The following FAM83B variants were observed in gnomAD, a reference collection of about 807,000 sequenced individuals.
The protein encoded by FAM83B is scaffolding CK1 anchoring protein B.
In FAM83B, 26 loss-of-function variants were observed where a neutral mutation model predicts 38.8. The observed-to-expected ratio is 0.67, with a 90% CI of 0.49 to 0.93. The LOEUF (loss-of-function observed/expected upper bound fraction) is 0.93, where lower values mean the gene tolerates loss of function less well. Ranked by LOEUF, FAM83B falls within the 40% of genes least tolerant of loss-of-function variation. The pLI is 0.00. For missense variants in FAM83B, 1,237 were observed against 1,197.3 expected, an observed-to-expected ratio of 1.03 and a Z score of -0.49; for synonymous variants, 419 against 423.1, an observed-to-expected ratio of 0.99 and a Z score of 0.12.
At chr6:54,895,393 A>C (rs1464154800) in intron 2 of FAM83B, among the ~76,000 whole-genome samples, 1 of 152,172 alleles carries the variant, frequency 6.6e-6, no homozygotes. Context: ...GGACTTGTAC[A>C]TTTATTTTCA....
At chr6:54,855,938 A>G (rs1301972588) in intron 1 of FAM83B, among the ~76,000 whole-genome samples, 1 of 152,226 alleles carries the variant, frequency 6.6e-6, no homozygotes, top group Non-Finnish European at 1.5e-5. Context: ...TTGTATACAT[A>G]TGATAAATAT....
At chr6:54,878,010 A>G (rs1772039753) in intron 2 of FAM83B, among the ~76,000 whole-genome samples, 1 of 152,216 alleles carries the variant, frequency 6.6e-6, no homozygotes, top group African/African-American at 2.4e-5. Context: ...AAAGTTAATG[A>G]TAAGTAGATG....
chr6:54,865,998 A>C (rs895141730), intron 1 of FAM83B, among the ~76,000 whole-genome samples: 1 of 119,792 alleles, frequency 8.3e-6, no homozygotes, highest in African/African-American at 2.8e-5. Context: ...AATAATAATA[A>C]TAAGGTTGAA....
At chr6:54,870,770 T>C in intron 2 of FAM83B, 80 bp downstream of exon 2, 1 of 1,300,134 alleles carries the variant, frequency 7.7e-7, no homozygotes. Flanking sequence ...ATATGTATGT[T>C]AATAAAAGAA....
At chr6:54,858,352 G>A (rs780376170) in intron 1 of FAM83B, among the ~76,000 whole-genome samples, 1 of 152,134 alleles carries the variant, frequency 6.6e-6, no homozygotes, top group Non-Finnish European at 1.5e-5. Flanking sequence ...CCTACCTTTA[G>A]AGTAGAGTGA....
chr6:54,859,692 A>T (rs1339458781), intron 1 of FAM83B, among the ~76,000 whole-genome samples: 3 of 152,196 alleles, frequency 2.0e-5, no homozygotes, highest in African/African-American at 7.2e-5. Context: ...TGAGCTACTT[A>T]CTAAGCCCTA....
chr6:54,891,193 C>T (rs1415141429), intron 2 of FAM83B, among the ~76,000 whole-genome samples: 2 of 152,040 alleles, frequency 1.3e-5, no homozygotes, highest in Non-Finnish European at 2.9e-5. Context: ...ACTTTTTCCT[C>T]CCAGCCCTGC....
chr6:54,904,338 A>G (rs1260343544), intron 2 of FAM83B, among the ~76,000 whole-genome samples: 1 of 152,124 alleles, frequency 6.6e-6, no homozygotes, highest in African/African-American at 2.4e-5. Flanking sequence ...GATCTTCCAC[A>G]AGTTCTAAGG....
chr6:54,942,032 G>A lies in FAM83B; in HGVS notation c.*25G>A. 2 of 1,536,786 alleles carry A rather than the reference G, an allele frequency of 1.3e-6. No individual in the cohort carries two copies. Among genetic ancestry groups the A allele is most frequent in the Non-Finnish European group, 1.8e-6 (2 of 1,134,492 alleles). On this transcript the variant is annotated 3_prime_UTR_variant, in exon 5 of 5. Transcript: ENST00000306858. ...GCTATTAAAATGCAAAATGAATGAG[G>A]CTATCAATATTTGTCCAAAGAAAAT... is the stretch of plus-strand genomic sequence containing the variant.
At chr6:54,874,787 A>G (rs1326204946) in intron 2 of FAM83B, among the ~76,000 whole-genome samples, 1 of 152,184 alleles carries the variant, frequency 6.6e-6, no homozygotes, top group Non-Finnish European at 1.5e-5. Flanking sequence ...GGATCAAGAC[A>G]CATAAGCAAA....
intron 2 of FAM83B, among the ~76,000 whole-genome samples, chr6:54,894,049 A>G (rs1772463625): frequency 6.6e-6 from 1 of 152,210 alleles, no homozygotes; most frequent in South Asian, 2.1e-4. Flanking sequence ...TCATTATTCC[A>G]TGAAGTAAAC....
chr6:54,893,759 C>T (rs1188124227), intron 2 of FAM83B, among the ~76,000 whole-genome samples: 3 of 152,012 alleles, frequency 2.0e-5, no homozygotes, highest in East Asian at 3.9e-4. Context: ...TCTTTTTTTA[C>T]AAGAACCTTC....
intron 2 of FAM83B, among the ~76,000 whole-genome samples, chr6:54,907,903 T>C (rs1772809787): frequency 6.6e-6 from 1 of 152,100 alleles, no homozygotes; most frequent in Admixed American, 6.6e-5. Context: ...TAAGTTACTA[T>C]ATGATTTTTA....
chr6:54,860,251 T>G (rs1771546089), intron 1 of FAM83B, among the ~76,000 whole-genome samples: 1 of 152,196 alleles, frequency 6.6e-6, no homozygotes, highest in Non-Finnish European at 1.5e-5. Context: ...TTGATAATGT[T>G]GCTTAGTTAA....
chr6:54,933,730 A>G (rs893876653), intron 4 of FAM83B, among the ~76,000 whole-genome samples: 1 of 152,010 alleles, frequency 6.6e-6, no homozygotes, highest in Non-Finnish European at 1.5e-5. Context: ...TGCCCATGGA[A>G]CTGCAGGTTT....
intron 2 of FAM83B, among the ~76,000 whole-genome samples, chr6:54,895,883 T>A (rs1264292003): frequency 6.7e-6 from 1 of 149,208 alleles, no homozygotes; most frequent in Non-Finnish European, 1.5e-5. Flanking sequence ...TGTGATTACC[T>A]TTTTGTTTTG....
rs1354437069 is a variant in FAM83B at position 54,928,075 on chromosome 6, A to C, written c.734+443A>C. Among the ~76,000 whole-genome samples the C allele has an allele frequency of 6.6e-5, 10 of 152,310 alleles. No homozygotes were observed. In the East Asian group the frequency reaches 1.4e-3, roughly 21 times the overall value. ...GAATCTGATCAAAGCAGAACTGGCAACCCAGTCCAGGTGAGGCTGGCTCGA... is the reference window on the plus strand; with the variant it reads ...GAATCTGATCAAAGCAGAACTGGCACCCCAGTCCAGGTGAGGCTGGCTCGA... On this transcript the variant is annotated intron_variant, in intron 4 of 4. Coordinates refer to ENST00000306858, the MANE Select transcript of FAM83B (RefSeq NM_001010872.3).
chr6:54,859,739 A>G (rs1771532231), intron 1 of FAM83B, among the ~76,000 whole-genome samples: 3 of 152,144 alleles, frequency 2.0e-5, no homozygotes, highest in Admixed American at 6.5e-5. Flanking sequence ...TTTTTCCTTT[A>G]TGGGTCTGTA....
At chr6:54,876,454 A>G (rs1041393579) in intron 2 of FAM83B, among the ~76,000 whole-genome samples, 35 of 149,570 alleles carry the variant, frequency 2.3e-4, no homozygotes, top group Non-Finnish European at 4.4e-4. Context: ...CCTCCCTAGT[A>G]TCTGGGATTA....
Sources: allele counts gnomAD v4.1 joint callset (sites outside exome capture counted in the v4.1 genomes callset), GRCh38; gene constraint gnomAD v4.1.1; transcripts MANE v1.5; gene names NCBI Gene and HGNC (gene_info 2026-07-23, HGNC 2026-07-21).